RNF20: variants seen among roughly 807,000 people sequenced by gnomAD.
RNF20 encodes the protein E3 ubiquitin-protein ligase BRE1A.
Under a neutral mutation model 126.2 loss-of-function variants are expected in RNF20, and 84 were observed. The observed-to-expected ratio is 0.67, with a 90% CI of 0.56 to 0.80. The LOEUF is 0.80. Ranked by LOEUF, RNF20 falls within the 30% of genes least tolerant of loss-of-function variation. RNF20 has a pLI of 0.00. For missense variants in RNF20, 869 were observed against 1,188.2 expected (o/e 0.73, Z 3.95); for synonymous variants, 400 against 414.3 (o/e 0.97, Z 0.42).
chr9:101,552,177 G>A lies in RNF20; in HGVS notation c.1445G>A (p.Ser482Asn), dbSNP rs1827458057. The A allele has an allele frequency of 1.9e-6, 3 of 1,614,086 alleles. No homozygotes were observed. Among genetic ancestry groups the A allele is most frequent in the Non-Finnish European group, 2.5e-6 (3 of 1,180,012 alleles). The change falls in exon 12 of 20, where the codon AGC becomes AAC. Residue 482 changes from serine to asparagine, a missense_variant. Coordinates refer to ENST00000389120, the MANE Select transcript of RNF20 (RefSeq NM_019592.7). ...AGGGAGATGCGCCACCTCATCAGTA[G>A]CCTCCAGAATCACAATCACCAGCTG... is the stretch of plus-strand genomic sequence containing the variant. ...INREMRHLIS[S>N]LQNHNHQLKG...
In RNF20 at chr9:101,550,929, G is replaced by A. The variant is rs1294772262; in HGVS notation, c.1272+144G>A. Reference sequence around the variant, plus strand: ...TAGGTCTTTACTCTGGTAGGTACTGGGCATATAAAGATGAGATGACAAAAT... The same window carrying A: ...TAGGTCTTTACTCTGGTAGGTACTGAGCATATAAAGATGAGATGACAAAAT... On this transcript the variant is annotated intron_variant, in intron 10 of 19. Coordinates refer to ENST00000389120, the MANE Select transcript of RNF20 (RefSeq NM_019592.7). 6.6e-6 allele frequency: 5 copies of A among 757,548 alleles called. No homozygotes were observed. The East Asian group carries it at 1.0e-4, about 16-fold the overall frequency. 46.9% of individuals were successfully genotyped at this position (757,548 alleles called of 1,614,324 possible).
chr9:101,562,581 G>A lies in RNF20; in HGVS notation c.*159G>A, dbSNP rs114799174. 5.3e-4 allele frequency: 328 copies of A among 617,652 alleles called. No individual in the cohort carries two copies. The African/African-American group carries it at 5.6e-3, about 11-fold the overall frequency. 38.3% of individuals were successfully genotyped at this position (617,652 alleles called of 1,614,324 possible). On this transcript the variant is annotated 3_prime_UTR_variant, in exon 20 of 20. Transcript: ENST00000389120. ...TTCCAGGCTCTCCTCTTCAGTAGCT[G>A]GATGACTTTAGCAGAAAGGACTGGT...
chr9:101,553,913 A>G (rs1440031916), intron 13 of RNF20, 75 bp from the exon 14 acceptor site: 8 of 801,930 alleles, frequency 1.0e-5, no homozygotes, highest in Admixed American at 2.3e-5. Context: ...ATTCTGCTCA[A>G]TCAAAATTCC....
chr9:101,562,476 A>G lies in RNF20; in HGVS notation c.*54A>G. ...CTAGTCAGGAACTTATTCATTAACC[A>G]CCAAACCTCTACCTCTTCTCTCCTT... On this transcript the variant is annotated 3_prime_UTR_variant, in exon 20 of 20. Coordinates refer to ENST00000389120, the MANE Select transcript of RNF20 (RefSeq NM_019592.7). The G allele has an allele frequency of 6.6e-7, 1 of 1,518,888 alleles. No individual in the cohort carries two copies. Among genetic ancestry groups the G allele is most frequent in the Non-Finnish European group, 8.9e-7 (1 of 1,122,422 alleles). 94.1% of individuals were successfully genotyped at this position (1,518,888 alleles called of 1,614,324 possible).
chr9:101,535,128 C>T (rs556854629), intron 1 of RNF20, among the ~76,000 whole-genome samples: 9 of 152,010 alleles, frequency 5.9e-5, no homozygotes, highest in South Asian at 2.1e-4. Flanking sequence ...AGGATGGTCT[C>T]GATCTTCTGA....
intron 13 of RNF20, among the ~76,000 whole-genome samples, chr9:101,553,620 G>A (rs1827484275): frequency 1.3e-5 from 2 of 151,428 alleles, no homozygotes; most frequent in South Asian, 4.2e-4. Flanking sequence ...AGAATCATCT[G>A]AGTGACTTGT....
chr9:101,543,493 G>A (rs991786848), intron 5 of RNF20, among the ~76,000 whole-genome samples: 1 of 146,944 alleles, frequency 6.8e-6, no homozygotes, highest in African/African-American at 2.5e-5. Context: ...TGCCAGGGTG[G>A]CACTGTCTAA....
chr9:101,537,953 T>C (rs535352797), intron 2 of RNF20, among the ~76,000 whole-genome samples: 8 of 152,312 alleles, frequency 5.3e-5, no homozygotes, highest in African/African-American at 1.7e-4. Context: ...GAGACAATGC[T>C]TTATAAAGGA....
chr9:101,550,889 T>C, intron 10 of RNF20, 104 bp downstream of exon 10: 1 of 1,054,486 alleles, frequency 9.5e-7, no homozygotes, highest in East Asian at 2.4e-5. Context: ...TCAGCTGTCA[T>C]TCATAGAGTG....
In RNF20 at chr9:101,552,081, T is replaced by C; in HGVS notation, c.1409-60T>C. On this transcript the variant is annotated intron_variant, in intron 11 of 19. Coordinates refer to ENST00000389120, the MANE Select transcript of RNF20 (RefSeq NM_019592.7). ...GCCTCCTGATGTGTTCTGTTCTTTC[T>C]CTCCTTGTGCCTTTGCCCTTACCAC... 3 of 1,607,012 alleles carry C rather than the reference T, an allele frequency of 1.9e-6. No homozygotes were observed. In the South Asian group the frequency reaches 3.3e-5, roughly 18 times the overall value.
At chr9:101,555,918 A>G (rs1202181231) in intron 15 of RNF20, among the ~76,000 whole-genome samples, 2 of 151,822 alleles carry the variant, frequency 1.3e-5, no homozygotes, top group African/African-American at 4.8e-5. Flanking sequence ...AGATGGCGCC[A>G]TTGCACTCCA....
rs1421476344 is a variant in RNF20 at position 101,552,475 on chromosome 9, G to T, written c.1623G>T (p.Glu541Asp). 1.2e-6 allele frequency: 2 copies of T among 1,613,816 alleles called. No individual in the cohort carries two copies. Among genetic ancestry groups the T allele is most frequent in the Admixed American group, 3.3e-5 (2 of 60,002 alleles). The change falls in exon 13 of 20, where the codon GAG becomes GAT. Residue 541 changes from glutamate (E) to aspartate (D), a missense_variant. Physicochemically the swap from Glu to Asp is conservative, Grantham distance 45. Transcript: ENST00000389120. ...CTGCGGAGCTAAAACCAGATTCTGA[G>T]GACTTATCCTCCCAGTCCTCAGCTT... ...DEPAELKPDS[E>D]DLSSQSSASK...
chr9:101,535,620 A>C (rs1288999925), intron 2 of RNF20, 68 bp downstream of exon 2: 1 of 1,549,442 alleles, frequency 6.5e-7, no homozygotes, highest in East Asian at 2.3e-5. Context: ...CTAAAAATTC[A>C]TGGAAGCTTT....
At chr9:101,551,900 A>G (rs1827452564) in intron 11 of RNF20, 81 bp downstream of exon 11, 1 of 1,453,374 alleles carries the variant, frequency 6.9e-7, no homozygotes, top group Non-Finnish European at 9.3e-7. Flanking sequence ...AGGGTTTGTT[A>G]ATGCTGACTT....
At chr9:101,541,958 C>A (rs1030920580) in intron 5 of RNF20, among the ~76,000 whole-genome samples, 12 of 152,168 alleles carry the variant, frequency 7.9e-5, no homozygotes, top group African/African-American at 2.9e-4. Flanking sequence ...AAATACCTTG[C>A]TCAAATGCAA....
chr9:101,550,817 G>A (rs1169223059), intron 10 of RNF20, 32 bp downstream of exon 10: 1 of 1,599,484 alleles, frequency 6.3e-7, no homozygotes, highest in African/African-American at 1.3e-5. Flanking sequence ...TTGTATGTAA[G>A]CTTTCTTGCC....
At chr9:101,535,630 T>C in intron 2 of RNF20, 78 bp downstream of exon 2, 1 of 1,494,286 alleles carries the variant, frequency 6.7e-7, no homozygotes, top group Non-Finnish European at 9.1e-7. Context: ...ATGGAAGCTT[T>C]CTGGAGTATG....
intron 1 of RNF20, among the ~76,000 whole-genome samples, chr9:101,534,490 A>C (rs1588214361): frequency 1.3e-5 from 2 of 152,196 alleles, no homozygotes; most frequent in African/African-American, 4.8e-5. Context: ...AAAACACTGC[A>C]AACGTTAAAG....
At chr9:101,562,174 G>A (rs1827638053) in intron 19 of RNF20, 72 bp from the exon 20 acceptor site, 2 of 1,493,960 alleles carry the variant, frequency 1.3e-6, no homozygotes, top group South Asian at 1.3e-5. Flanking sequence ...CTTCTTGGTT[G>A]TGTAGTATAT....
Sources: gnomAD v4.1 joint callset for allele counts (sites outside exome capture counted in the v4.1 genomes callset) on GRCh38, gnomAD v4.1.1 for gene constraint, MANE v1.5 for transcripts, NCBI Gene and HGNC (gene_info 2026-07-23, HGNC 2026-07-21) for gene names.